The following PRKCI variants were observed in gnomAD, a reference collection of about 807,000 sequenced individuals.
PRKCI encodes protein kinase C iota, also known as protein kinase C iota type.
Under a neutral mutation model 84.0 loss-of-function variants are expected in PRKCI, and 43 were observed. The ratio of observed to expected loss-of-function variants is 0.51; its 90% CI spans 0.40 to 0.66. The LOEUF is 0.66. PRKCI is among the 30% of genes least tolerant of loss of function. PRKCI has a pLI of 0.00. For missense variants in PRKCI, 459 were observed against 745.6 expected (o/e 0.62, Z 4.48); for synonymous variants, 216 against 234.4 (o/e 0.92, Z 0.72).
At chr3:170,279,942 T>C (rs1466535546) in intron 8 of PRKCI, among the ~76,000 whole-genome samples, 2 of 152,202 alleles carry the variant, frequency 1.3e-5, no homozygotes, top group South Asian at 2.1e-4. Context: ...ATTGCCTCTG[T>C]ACCCAAAAGT....
chr3:170,263,039 C>T (rs2650224), intron 3 of PRKCI, among the ~76,000 whole-genome samples: 5 of 151,382 alleles, frequency 3.3e-5, no homozygotes, highest in South Asian at 4.2e-4. Context: ...CATGGTGGCG[C>T]GTGCCTGTAG....
intron 13 of PRKCI, among the ~76,000 whole-genome samples, chr3:170,292,709 CAA>C (rs35749320): frequency 1.7e-4 from 14 of 82,592 alleles, no homozygotes; most frequent in Admixed American, 4.0e-4. Context: ...AACTCTGTCT[CAA>C]AAAAAAAAAA....
At chr3:170,234,982 G>A (rs916967038) in intron 1 of PRKCI, among the ~76,000 whole-genome samples, 3 of 151,724 alleles carry the variant, frequency 2.0e-5, no homozygotes, top group Non-Finnish European at 4.4e-5. Flanking sequence ...GTTTCACCAT[G>A]TTGCCCAGGC....
chr3:170,295,843 A>C, intron 14 of PRKCI, 68 bp from the exon 15 acceptor site: 1 of 968,222 alleles, frequency 1.0e-6, no homozygotes, highest in Non-Finnish European at 1.5e-6. Flanking sequence ...AGCCCCTTTC[A>C]AAAAAGAAGA....
intron 9 of PRKCI, among the ~76,000 whole-genome samples, 197 bp from the exon 10 acceptor site, chr3:170,280,969 T>C (rs899582310): frequency 6.6e-6 from 1 of 152,234 alleles, no homozygotes; most frequent in Non-Finnish European, 1.5e-5. Context: ...AAAAGTTTTC[T>C]AGACAGTTTT....
chr3:170,226,033 C>T (rs1341931284), intron 1 of PRKCI, among the ~76,000 whole-genome samples: 1 of 151,990 alleles, frequency 6.6e-6, no homozygotes, highest in African/African-American at 2.4e-5. Flanking sequence ...CTGCGGCTGC[C>T]TCCCGAGTAG....
intron 2 of PRKCI, among the ~76,000 whole-genome samples, chr3:170,246,323 T>C (rs1024234311): frequency 5.3e-5 from 8 of 151,828 alleles, no homozygotes; most frequent in Non-Finnish European, 8.8e-5. Flanking sequence ...CAGCTAATTT[T>C]TGTACTTTTA....
In PRKCI at chr3:170,304,367, C is replaced by G. The variant is rs1192321691; in HGVS notation, c.*1240C>G. On this transcript the variant is annotated 3_prime_UTR_variant, in exon 18 of 18. Transcript: ENST00000295797. ...ATTATTGTTACCAAACTTGTAAAAG[C>G]ATTCCATGTATTCAGTGGAGGCAGA... 1 of 152,190 alleles carries G rather than the reference C, an allele frequency of 6.6e-6. No individual in the cohort carries two copies. Among genetic ancestry groups the G allele is most frequent in the Non-Finnish European group, 1.5e-5 (1 of 68,030 alleles). 9.4% of individuals were successfully genotyped at this position (152,190 alleles called of 1,614,324 possible).
At chr3:170,251,060 A>G (rs34172188) in intron 2 of PRKCI, among the ~76,000 whole-genome samples, 1 of 152,214 alleles carries the variant, frequency 6.6e-6, no homozygotes, top group Admixed American at 6.6e-5. Flanking sequence ...TATTTAATCC[A>G]CAGTAGCGAC....
At chr3:170,288,038 G>T (rs1456789503) in intron 12 of PRKCI, among the ~76,000 whole-genome samples, 1 of 151,942 alleles carries the variant, frequency 6.6e-6, no homozygotes, top group Non-Finnish European at 1.5e-5. Flanking sequence ...CAGGTCAGGA[G>T]ATTGAGACCA....
At chr3:170,258,051 G>A (rs1459329945) in intron 2 of PRKCI, among the ~76,000 whole-genome samples, 1 of 152,024 alleles carries the variant, frequency 6.6e-6, no homozygotes, top group Non-Finnish European at 1.5e-5. Flanking sequence ...TGGAACAGAG[G>A]AGCTCAGAGA....
At chr3:170,224,073 C>T (rs1482135651) in intron 1 of PRKCI, among the ~76,000 whole-genome samples, 1 of 117,490 alleles carries the variant, frequency 8.5e-6, no homozygotes, top group Admixed American at 9.9e-5. Context: ...CCCCTCCCCC[C>T]ACCCCACAAC....
intron 12 of PRKCI, among the ~76,000 whole-genome samples, chr3:170,285,595 A>C (rs938928446): frequency 6.6e-6 from 1 of 152,184 alleles, no homozygotes; most frequent in Non-Finnish European, 1.5e-5. Flanking sequence ...AATGCTAACA[A>C]CATGGCATAT....
At chr3:170,287,738 T>G (rs1247771342) in intron 12 of PRKCI, among the ~76,000 whole-genome samples, 1 of 150,340 alleles carries the variant, frequency 6.7e-6, no homozygotes, top group Non-Finnish European at 1.5e-5. Context: ...GGTAAAATCT[T>G]GTCTCTACTA....
intron 15 of PRKCI, among the ~76,000 whole-genome samples, chr3:170,296,698 C>G (rs1734692046): frequency 6.6e-6 from 1 of 152,062 alleles, no homozygotes; most frequent in Non-Finnish European, 1.5e-5. Flanking sequence ...AAGATTTAAA[C>G]TTGAAACCTA....
At chr3:170,301,047 C>T (rs887882390) in intron 17 of PRKCI, among the ~76,000 whole-genome samples, 5 of 152,120 alleles carry the variant, frequency 3.3e-5, no homozygotes, top group Non-Finnish European at 5.9e-5. Flanking sequence ...AAATGGCTCT[C>T]AGTTAAATGG....
In PRKCI at chr3:170,300,664, T is replaced by G. The variant is rs560807645; in HGVS notation, c.1703+1554T>G. Among the ~76,000 whole-genome samples the G allele has an allele frequency of 3.3e-5, 5 of 150,904 alleles. No homozygotes were observed. In the Admixed American group the frequency reaches 3.3e-4, roughly 10 times the overall value. ...CTCTAATCAAACTTCTTCAGACTAG[T>G]CAACATTGATTGTCTTGAATTTTTT... is the stretch of plus-strand genomic sequence containing the variant. On this transcript the variant is annotated intron_variant, in intron 17 of 17. Transcript: ENST00000295797.
rs760864637 is a variant in PRKCI, at chr3:170,303,141, A to G, written c.*14A>G. ...GAATGTGTCTGATCCTCATTTTTCAACCATGTATTCTACTCATGTTGCCAT... is the reference window on the plus strand; with the variant it reads ...GAATGTGTCTGATCCTCATTTTTCAGCCATGTATTCTACTCATGTTGCCAT... On this transcript the variant is annotated 3_prime_UTR_variant, in exon 18 of 18. Coordinates refer to ENST00000295797, the MANE Select transcript of PRKCI (RefSeq NM_002740.6). 16 of 1,574,990 alleles carry G rather than the reference A, an allele frequency of 1.0e-5. No individual in the cohort carries two copies. The highest frequency in any genetic ancestry group is 1.4e-5 in the Non-Finnish European group (16 of 1,153,458).
chr3:170,242,914 G>T (rs1447053629), intron 2 of PRKCI, among the ~76,000 whole-genome samples: 1 of 151,796 alleles, frequency 6.6e-6, no homozygotes, highest in Non-Finnish European at 1.5e-5. Flanking sequence ...CAGGTGATCC[G>T]CCTGCCTCAG....
Sources: allele counts gnomAD v4.1 joint callset (sites outside exome capture counted in the v4.1 genomes callset), GRCh38; gene constraint gnomAD v4.1.1; transcripts MANE v1.5; gene names NCBI Gene and HGNC (gene_info 2026-07-23, HGNC 2026-07-21).